Variants in FBN3 observed in about 807,000 individuals in gnomAD.
FBN3 encodes the protein fibrillin-3.
FBN3 carries 234 observed loss-of-function variants against 330.1 expected under a neutral mutation model. The ratio of observed to expected loss-of-function variants is 0.71; its 90% CI spans 0.64 to 0.79. The LOEUF is 0.79. Among genes scored for constraint, FBN3 ranks in the 30% least tolerant of loss-of-function variants. The pLI is 0.00. For synonymous variants in FBN3, 1,458 were observed against 1,517.3 expected, an observed-to-expected ratio of 0.96 and a Z score of 0.91; for missense variants, 3,606 against 3,886.9, an observed-to-expected ratio of 0.93 and a Z score of 1.92.
At chr19:8,135,825 C>T in intron 13 of FBN3, 136 bp downstream of exon 13, 1 of 912,446 alleles carries the variant, frequency 1.1e-6, no homozygotes, top group South Asian at 1.6e-5. Context: ...AGGTGGGCTG[C>T]TGGGTTCAGA....
intron 46 of FBN3, among the ~76,000 whole-genome samples, chr19:8,094,876 T>C (rs2082177467): frequency 6.6e-6 from 1 of 152,202 alleles, no homozygotes; most frequent in African/African-American, 2.4e-5. Flanking sequence ...TACTATTCTT[T>C]GCTTCTGGAA....
chr19:8,103,413 G>A (rs2082370829), intron 39 of FBN3, 149 bp downstream of exon 39: 1 of 792,848 alleles, frequency 1.3e-6, no homozygotes, highest in African/African-American at 1.7e-5. Flanking sequence ...CTGGGCTCCT[G>A]AGTCCTGCAG....
chr19:8,077,526 C>T (rs2081668482), intron 59 of FBN3, among the ~76,000 whole-genome samples: 1 of 152,130 alleles, frequency 6.6e-6, no homozygotes, highest in Admixed American at 6.6e-5. Flanking sequence ...GTAATCCCAG[C>T]TACTTGGGAG....
rs528921435 is a variant in FBN3 at position 8,112,222 on chromosome 19, C to T, written c.3839-123G>A. 5 of 1,015,484 alleles carry T rather than the reference C, an allele frequency of 4.9e-6. No homozygotes were observed. In the Admixed American group the frequency reaches 1.3e-4, roughly 26 times the overall value. 62.9% of individuals were successfully genotyped at this position (1,015,484 alleles called of 1,614,324 possible). ...AGAGCTGGCCCAGAAAGCCTCCTCC[C>T]ATTCACCTGGGGAGCTTCCATCTTT... On this transcript the variant is annotated intron_variant, in intron 30 of 63. Transcript: ENST00000600128.
chr19:8,126,045 G>C (rs547535425), intron 21 of FBN3, 28 bp from the exon 22 acceptor site: 1 of 1,612,960 alleles, frequency 6.2e-7, no homozygotes, highest in Non-Finnish European at 8.5e-7. Flanking sequence ...AAAGCCGGAG[G>C]GTCCAGGGAG....
intron 10 of FBN3, 138 bp downstream of exon 10, chr19:8,138,003 G>T: frequency 1.0e-6 from 1 of 960,054 alleles, no homozygotes; most frequent in African/African-American, 1.7e-5. Flanking sequence ...ATCCCTACTA[G>T]CCAGGCCAGG....
chr19:8,124,720 G>C (rs1389223896), intron 22 of FBN3, among the ~76,000 whole-genome samples: 1 of 151,946 alleles, frequency 6.6e-6, no homozygotes, highest in East Asian at 1.9e-4. Flanking sequence ...TATTTTAGTA[G>C]AGATGGGGTT....
chr19:8,146,170 G>C lies in FBN3; in HGVS notation c.306C>G (p.Thr102=). 1.2e-6 allele frequency: 2 copies of C among 1,603,728 alleles called. No individual in the cohort carries two copies. The highest frequency in any genetic ancestry group is 1.7e-6 in the Non-Finnish European group (2 of 1,176,388). ...TGGGAGCCAGCGTCCCATCCGCACA[G>C]GTGCACAGGTTGGGCTGGGAGCAGA... ...EGFCSQPNLC[T]CADGTLAPSC... is the part of the protein sequence containing the mutation. Residue 102 remains threonine, a synonymous_variant, in exon 4 of 64, where the codon ACC becomes ACG. Coordinates refer to ENST00000600128, the MANE Select transcript of FBN3 (RefSeq NM_032447.5).
intron 25 of FBN3, among the ~76,000 whole-genome samples, chr19:8,120,448 G>A (rs1303931142): frequency 6.6e-6 from 1 of 151,130 alleles, no homozygotes; most frequent in Non-Finnish European, 1.5e-5. Context: ...GGGATTACAG[G>A]CATGAGCCAC....
chr19:8,143,815 C>CTT (rs112225462), intron 6 of FBN3, among the ~76,000 whole-genome samples: 180 of 137,918 alleles, frequency 1.3e-3, no homozygotes, highest in Middle Eastern at 7.4e-3. Flanking sequence ...TTCTTTCTTT[C>CTT]TTTCTTTTTT....
Position 8,081,202 on chromosome 19 carries a change from C to G in FBN3, c.7337-83G>C, listed in dbSNP as rs563341142. 2.8e-5 allele frequency: 42 copies of G among 1,491,838 alleles called. 1 individual carries two copies. In the South Asian group the frequency reaches 4.1e-4, roughly 15 times the overall value. 92.4% of individuals were successfully genotyped at this position (1,491,838 alleles called of 1,614,324 possible). On this transcript the variant is annotated intron_variant, in intron 58 of 63. Coordinates refer to ENST00000600128, the MANE Select transcript of FBN3 (RefSeq NM_032447.5). The stretch of plus-strand genomic sequence containing the variant: ...TCCCAGGGGCTGCCCTTGCCACCTC[C>G]AGGCAGAGGGGTGACAAGAGAAAGA...
At chr19:8,076,826 G>A (rs1188235989) in intron 59 of FBN3, among the ~76,000 whole-genome samples, 1 of 152,096 alleles carries the variant, frequency 6.6e-6, no homozygotes, top group African/African-American at 2.4e-5. Context: ...AAGTGGCACA[G>A]TCTCAGCTCA....
chr19:8,147,468 C>G lies in FBN3; in HGVS notation c.13G>C (p.Gly5Arg). The part of the protein sequence containing the change: MTLE[G>R]LYLARGPLAR... ...AGGGGGCCCCTTGCCAAATACAGAC[C>G]CTCCAGAGTCATGGCGTGTCCCCTG... is the stretch of plus-strand genomic sequence containing the variant. Residue 5 changes from glycine (G) to arginine (R), a missense_variant, in exon 2 of 64, where the codon GGT becomes CGT. Transcript: ENST00000600128. The G allele has an allele frequency of 6.6e-7, 1 of 1,521,606 alleles. No homozygotes were observed. Among genetic ancestry groups the G allele is most frequent in the South Asian group, 1.3e-5 (1 of 77,154 alleles). The allele number at this position is 1,521,606 out of a possible 1,614,324, so 94.3% of individuals were successfully genotyped here. A position where few individuals can be genotyped will look rare whatever the true frequency, so the allele number is the denominator to read the frequency against.
Position 8,095,409 on chromosome 19 carries a change from G to C in FBN3, c.5751C>G (p.Gly1917=). 1 of 1,613,508 alleles carries C rather than the reference G, an allele frequency of 6.2e-7. No homozygotes were observed. The highest frequency in any genetic ancestry group is 2.2e-5 in the East Asian group (1 of 44,832). Residue 1917 remains glycine, a synonymous_variant, in exon 46 of 64, where the codon GGC becomes GGG. Transcript: ENST00000600128. ...AGSFHCLCQD[G]FELTADGKNC... ...TCTTCCCATCAGCTGTGAGCTCAAA[G>C]CCATCCTGGCAGAGGCAGTGGAAGG...
chr19:8,083,555 G>A (rs1160370600), intron 56 of FBN3, among the ~76,000 whole-genome samples, 183 bp from the exon 57 acceptor site: 5 of 151,984 alleles, frequency 3.3e-5, no homozygotes, highest in African/African-American at 1.2e-4. Context: ...ACCTGAGCCC[G>A]CAGGACACGC....
At chr19:8,088,238 T>A (rs1270277035) in intron 51 of FBN3, 59 bp from the exon 52 acceptor site, 50 of 1,529,050 alleles carry the variant, frequency 3.3e-5, no homozygotes, top group Non-Finnish European at 4.2e-5. Context: ...CTCAGTAGCA[T>A]CCCATCTGCC....
At chr19:8,105,031 T>C (rs931966824) in intron 38 of FBN3, among the ~76,000 whole-genome samples, 2 of 152,046 alleles carry the variant, frequency 1.3e-5, no homozygotes, top group African/African-American at 2.4e-5. Context: ...CTTGGCTCAC[T>C]GCAACCTCCG....
At chr19:8,135,360 C>G (rs2083254023) in intron 13 of FBN3, among the ~76,000 whole-genome samples, 1 of 151,948 alleles carries the variant, frequency 6.6e-6, no homozygotes, top group South Asian at 2.1e-4. Context: ...TCATTGCAGC[C>G]TCCGTCTCCT....
At chr19:8,083,597 C>CCAGGGAAGGGGACT (rs2081859319) in intron 56 of FBN3, among the ~76,000 whole-genome samples, 1 of 151,946 alleles carries the variant, frequency 6.6e-6, no homozygotes. Context: ...GGACTCACAC[C>CCAGGGAAGGGGACT]CACCCCTCCC....
Sources: allele counts gnomAD v4.1 joint callset (sites outside exome capture counted in the v4.1 genomes callset), GRCh38; gene constraint gnomAD v4.1.1; transcripts MANE v1.5; gene names NCBI Gene and HGNC (gene_info 2026-07-23, HGNC 2026-07-21).